Variants in AOPEP observed in about 807,000 individuals in gnomAD.
The protein encoded by AOPEP is aminopeptidase O (putative).
A neutral mutation model predicts 98.1 loss-of-function variants in AOPEP; 77 were observed. That is an observed-to-expected ratio of 0.78 (90% CI 0.65 to 0.95). AOPEP has a LOEUF of 0.95. Ranked by LOEUF, AOPEP falls within the 40% of genes least tolerant of loss-of-function variation. The pLI, the probability that AOPEP is intolerant of heterozygous loss-of-function variation, is 0.00. For synonymous variants in AOPEP, 346 were observed against 365.3 expected (o/e 0.95, Z 0.60); for missense variants, 1,024 against 1,024.7 (o/e 1.00, Z 0.01).
chr9:94,826,748 A>G (rs1454793626), intron 5 of AOPEP, among the ~76,000 whole-genome samples: 4 of 151,988 alleles, frequency 2.6e-5, no homozygotes, highest in Non-Finnish European at 2.9e-5. Context: ...GAGAAGAGGT[A>G]TTGGTCATGG....
chr9:94,945,675 G>A (rs952812761), intron 7 of AOPEP, among the ~76,000 whole-genome samples: 3 of 152,244 alleles, frequency 2.0e-5, no homozygotes, highest in South Asian at 2.1e-4. Context: ...TCTGCTCCTC[G>A]TTGAGTCATC....
chr9:95,135,880 T>C, the AOPEP span, among the ~76,000 whole-genome samples: 2 of 152,094 alleles, frequency 1.3e-5, no homozygotes, highest in African/African-American at 2.4e-5. Context: ...TGCCTCACAA[T>C]AGGGATGCGG....
chr9:95,089,834 G>C (rs114619271), downstream of AOPEP, among the ~76,000 whole-genome samples: 565 of 152,354 alleles, frequency 3.7e-3, 5 homozygotes, highest in African/African-American at 0.012. Flanking sequence ...CAGATGTGAA[G>C]ATATTAGCTC....
At chr9:94,965,809 A>G (rs2059154007) in intron 9 of AOPEP, among the ~76,000 whole-genome samples, 1 of 151,452 alleles carries the variant, frequency 6.6e-6, no homozygotes, top group Non-Finnish European at 1.5e-5. Flanking sequence ...CTGTATTTGC[A>G]GACTTGGTTC....
chr9:94,923,087 G>A (rs934788955), intron 5 of AOPEP, among the ~76,000 whole-genome samples: 2 of 152,114 alleles, frequency 1.3e-5, no homozygotes, highest in Non-Finnish European at 2.9e-5. Flanking sequence ...TTTTTTAAGG[G>A]CAAATTCTTC....
At chr9:94,792,141 C>T (rs532911122) in intron 3 of AOPEP, among the ~76,000 whole-genome samples, 42 of 152,350 alleles carry the variant, frequency 2.8e-4, no homozygotes, top group South Asian at 8.3e-4. Context: ...AACCTCTACA[C>T]GTGCTTTTCA....
At chr9:95,117,319 A>T in the AOPEP span, 2 of 1,614,028 alleles carry the variant, frequency 1.2e-6, no homozygotes, top group East Asian at 4.5e-5. Context: ...ACTCACCTTG[A>T]GGGTCTTGCA....
chr9:94,943,931 A>AAAAC (rs1564424012), intron 7 of AOPEP, among the ~76,000 whole-genome samples: 1 of 147,738 alleles, frequency 6.8e-6, no homozygotes, highest in African/African-American at 2.6e-5. Context: ...AAAAAAAAAA[A>AAAAC]AAAAAAAAAA....
chr9:95,093,144 A>G, the AOPEP span, among the ~76,000 whole-genome samples: 1 of 151,410 alleles, frequency 6.6e-6, no homozygotes, highest in Non-Finnish European at 1.5e-5. Flanking sequence ...TGCTTTACTA[A>G]GTTAAAAGCG....
intron 10 of AOPEP, among the ~76,000 whole-genome samples, chr9:94,976,873 C>T (rs2059881876): frequency 6.6e-6 from 1 of 152,060 alleles, no homozygotes; most frequent in African/African-American, 2.4e-5. Context: ...TGCCATGTTG[C>T]CTAGGCTGGT....
intron 16 of AOPEP, chr9:95,086,016 C>T (rs755660414): frequency 7.3e-7 from 1 of 1,366,958 alleles, no homozygotes; most frequent in Admixed American, 1.9e-5. Context: ...TCGATTGGAC[C>T]CGCCCTCCGG....
chr9:95,141,693 G>T, the AOPEP span, among the ~76,000 whole-genome samples: 10 of 152,038 alleles, frequency 6.6e-5, no homozygotes, highest in African/African-American at 2.4e-4. Context: ...TCCTTTTTTG[G>T]GGTAACTTGA....
chr9:94,805,686 T>C (rs1226263790), intron 5 of AOPEP, among the ~76,000 whole-genome samples: 1 of 152,224 alleles, frequency 6.6e-6, no homozygotes, highest in Non-Finnish European at 1.5e-5. Context: ...ATGTTTATAC[T>C]AGTTCCTGAC....
At chr9:94,977,353 G>A (rs1204168631) in intron 10 of AOPEP, among the ~76,000 whole-genome samples, 1 of 152,104 alleles carries the variant, frequency 6.6e-6, no homozygotes, top group Non-Finnish European at 1.5e-5. Context: ...GCTTGTGGAG[G>A]CTTCTGCAGT....
intron 10 of AOPEP, among the ~76,000 whole-genome samples, chr9:94,976,175 G>A (rs58436835): frequency 1.3e-5 from 2 of 152,146 alleles, no homozygotes; most frequent in Admixed American, 6.5e-5. Flanking sequence ...GTCACTCCCT[G>A]GGTTTTCCCA....
chr9:94,888,973 T>C (rs1466322447), intron 5 of AOPEP, among the ~76,000 whole-genome samples: 3 of 152,170 alleles, frequency 2.0e-5, no homozygotes, highest in Non-Finnish European at 2.9e-5. Context: ...GGCTCCCTCA[T>C]ATAACTTGCT....
the AOPEP span, among the ~76,000 whole-genome samples, chr9:95,096,397 G>C: frequency 6.6e-6 from 1 of 152,152 alleles, no homozygotes; most frequent in Non-Finnish European, 1.5e-5. Flanking sequence ...GTCCCTGGCA[G>C]GATGGAATGG....
chr9:95,101,645 T>C, the AOPEP span: 18 of 1,605,894 alleles, frequency 1.1e-5, no homozygotes, highest in Non-Finnish European at 1.5e-5. Context: ...GGTCATCACC[T>C]GTCCTGTGGC....
rs1281274027 is a variant in AOPEP at position 95,080,760 on chromosome 9, A to T, written c.2299A>T (p.Arg767Trp). 1.2e-6 allele frequency: 2 copies of T among 1,613,822 alleles called. No individual in the cohort carries two copies. The highest frequency in any genetic ancestry group is 2.2e-5 in the South Asian group (2 of 91,076). Residue 767 changes from arginine to tryptophan, a missense_variant, in exon 15 of 17, where the codon AGG becomes TGG. Coordinates refer to ENST00000375315, the MANE Select transcript of AOPEP (RefSeq NM_001193329.3). ...KFTKAYKSVE[R>W]FLQEDQAMGV... ...CACGAAAGCCTACAAAAGTGTGGAG[A>T]GGTTCCTTCAGGAGGATCAGGTAGG...
Sources: allele counts gnomAD v4.1 joint callset (sites outside exome capture counted in the v4.1 genomes callset), GRCh38; gene constraint gnomAD v4.1.1; transcripts MANE v1.5; gene names NCBI Gene and HGNC (gene_info 2026-07-23, HGNC 2026-07-21).